MAP7D3: variants seen among roughly 807,000 people sequenced by gnomAD.
MAP7D3 encodes MAP7 domain containing 3, also known as MAP7 domain-containing protein 3.
Under a neutral mutation model 62.2 loss-of-function variants are expected in MAP7D3, and 45 were observed. The ratio of observed to expected loss-of-function variants is 0.72; its 90% CI spans 0.57 to 0.93. MAP7D3 has a LOEUF of 0.93. Among genes scored for constraint, MAP7D3 ranks in the 40% least tolerant of loss-of-function variants. The pLI is 0.00. For missense variants in MAP7D3, 711 were observed against 683.1 expected (o/e 1.04, Z -0.45); for synonymous variants, 288 against 248.8 (o/e 1.16, Z -1.48).
chrX:136,218,904 G>A (rs755469242), intron 18 of MAP7D3, among the ~76,000 whole-genome samples: 1 of 110,910 alleles, frequency 9.0e-6, no homozygotes, highest in African/African-American at 3.3e-5. Context: ...AGGCTAGAGT[G>A]CAGTGGCAGG....
In MAP7D3 at chrX:136,251,325, C is replaced by T. The variant is rs972685079; in HGVS notation, c.34G>A (p.Gly12Ser). The T allele has an allele frequency of 1.8e-6, 2 of 1,128,758 alleles. No homozygotes were observed. The highest frequency in any genetic ancestry group is 2.8e-5 in the Admixed American group (1 of 36,265). 93.0% of individuals were successfully genotyped at this position (1,128,758 alleles called of 1,213,427 possible). Residue 12 changes from glycine (G) to serine (S), a missense_variant, in exon 1 of 19, where the codon GGC becomes AGC. Transcript: ENST00000316077. ...CGCAGCTCTCTCAAGGATGGGCTGC[C>T]GCCAGCGCCAGCTGCGGCGCCGTCC... ...MADGAAAGAG[G>S]SPSLRELRAR...
rs961339100 is a variant in MAP7D3, at chrX:136,251,319, G to A, written c.40C>T (p.Pro14Ser). Reference sequence around the variant, plus strand: ...CGTGCCCGCAGCTCTCTCAAGGATGGGCTGCCGCCAGCGCCAGCTGCGGCG... The same window carrying A: ...CGTGCCCGCAGCTCTCTCAAGGATGAGCTGCCGCCAGCGCCAGCTGCGGCG... The part of the protein sequence containing the change: ...DGAAAGAGGS[P>S]SLRELRARMV... The change falls in exon 1 of 19, where the codon CCA (proline) becomes TCA (serine). Residue 14 changes from proline to serine, a missense_variant. Physicochemically the swap from Pro to Ser is moderately conservative, Grantham distance 74. Transcript: ENST00000316077. 1.2e-3 allele frequency: 1,324 copies of A among 1,128,853 alleles called. No homozygotes were observed. Among genetic ancestry groups the A allele is most frequent in the Non-Finnish European group, 1.5e-3 (1,264 of 860,618 alleles). The allele number at this position is 1,128,853 out of a possible 1,213,427, so 93.0% of individuals were successfully genotyped here.
chrX:136,246,065 C>A lies in MAP7D3; in HGVS notation c.253G>T (p.Ala85Ser), dbSNP rs747505696. 8.5e-7 allele frequency: 1 copy of A among 1,175,380 alleles called. No individual in the cohort carries two copies. Among genetic ancestry groups the A allele is most frequent in the Non-Finnish European group, 1.1e-6 (1 of 871,294 alleles). ...RREEKRRQQDANKETQLLEKE... is the reference protein window; with the variant it reads ...RREEKRRQQDSNKETQLLEKE... The stretch of plus-strand genomic sequence containing the variant: ...TTTTGAAAAAAGGTCTAAAATATAC[C>A]GTCTTGCTGTCTCCTTTTCTCCTCT... The change falls in exon 3 of 19, where the codon GCC becomes TCC. Residue 85 changes from alanine (A) to serine (S), a missense_variant and splice_region_variant. Ala to Ser is a moderately conservative substitution (Grantham distance 99). Transcript: ENST00000316077.
chrX:136,241,809 TAATAAA>T (rs1023961753), intron 4 of MAP7D3, among the ~76,000 whole-genome samples: 2 of 111,291 alleles, frequency 1.8e-5, no homozygotes, highest in Non-Finnish European at 3.8e-5. Flanking sequence ...TGGTGTTAAC[TAATAAA>T]AATAAAGTTT....
Position 136,241,262 on chromosome X carries a change from T to C in MAP7D3, c.433A>G (p.Ile145Val), listed in dbSNP as rs2074386733. The C allele has an allele frequency of 8.9e-7, 1 of 1,122,379 alleles. No homozygotes were observed. Among genetic ancestry groups the C allele is most frequent in the East Asian group, 3.1e-5 (1 of 31,897 alleles). The allele number at this position is 1,122,379 out of a possible 1,213,427, so 92.5% of individuals were successfully genotyped here. The change falls in exon 5 of 19, where the codon ATT becomes GTT. Residue 145 changes from isoleucine to valine, a missense_variant. Ile to Val is a conservative substitution (Grantham distance 29). Transcript: ENST00000316077. ...DEAQKEKFTAILYRTLERRRL... is the reference protein window; with the variant it reads ...DEAQKEKFTAVLYRTLERRRL... ...CTCCGTTCCAAAGTACGATAAAGAA[T>C]GGCTGTAAATTTTTCCTATTTAAAA...
At chrX:136,223,898 A>C (rs758345363) in intron 14 of MAP7D3, among the ~76,000 whole-genome samples, 1 of 108,497 alleles carries the variant, frequency 9.2e-6, no homozygotes, top group Non-Finnish European at 1.9e-5. Context: ...ATAAAAAATA[A>C]AAAATTAGCC....
chrX:136,236,082 C>T (rs1032985501), intron 7 of MAP7D3, among the ~76,000 whole-genome samples, 162 bp downstream of exon 7: 1 of 112,660 alleles, frequency 8.9e-6, no homozygotes, highest in African/African-American at 3.2e-5. Context: ...ACAGATTTTT[C>T]TGGCTTTAGC....
In MAP7D3 at chrX:136,222,452, T is replaced by G. The variant is rs939293841; in HGVS notation, c.2228A>C (p.Glu743Ala). 8.3e-7 allele frequency: 1 copy of G among 1,205,910 alleles called. No homozygotes were observed. Among genetic ancestry groups the G allele is most frequent in the African/African-American group, 1.8e-5 (1 of 57,103 alleles). Residue 743 changes from glutamate (E) to alanine (A), a missense_variant, in exon 15 of 19, where the codon GAG becomes GCG. Glu to Ala is a moderately radical substitution (Grantham distance 107). Coordinates refer to ENST00000316077, the MANE Select transcript of MAP7D3 (RefSeq NM_024597.4). Reference sequence around the variant, plus strand: ...GCTTTCTTCGTTGTCAGCCTCAGCCTCTTCATATATGTCATGGCTGGATGT... The same window carrying G: ...GCTTTCTTCGTTGTCAGCCTCAGCCGCTTCATATATGTCATGGCTGGATGT... ...TETSSHDIYE[E>A]AEADNEESDK...
Position 136,226,002 on chromosome X carries a change from G to C in MAP7D3, c.2046C>G (p.Ala682=). ...CAGCTTCCTCTTGAGCTTTTATTTT[G>C]GCGTCCCCTTTCTAGGAAATTTGCA... ...DQEAPLQKGD[A]KIKAQEEADK... Residue 682 remains alanine, a synonymous_variant, in exon 13 of 19, where the codon GCC becomes GCG. Coordinates refer to ENST00000316077, the MANE Select transcript of MAP7D3 (RefSeq NM_024597.4). The C allele has an allele frequency of 8.4e-7, 1 of 1,183,758 alleles. No individual in the cohort carries two copies. Among genetic ancestry groups the C allele is most frequent in the Non-Finnish European group, 1.1e-6 (1 of 876,552 alleles).
chrX:136,240,212 A>C (rs1351548246), intron 6 of MAP7D3, among the ~76,000 whole-genome samples, 170 bp downstream of exon 6: 1 of 109,151 alleles, frequency 9.2e-6, no homozygotes, highest in Admixed American at 9.8e-5. Context: ...CTGTCTCAAA[A>C]AAAAAAAAAA....
intron 4 of MAP7D3, among the ~76,000 whole-genome samples, chrX:136,243,266 TG>T (rs889214728): frequency 3.6e-5 from 4 of 111,155 alleles, no homozygotes; most frequent in African/African-American, 1.3e-4. Flanking sequence ...ACTGAGAGAA[TG>T]GCAGGCAGAG....
intron 8 of MAP7D3, chrX:136,231,258 C>CA (rs1301366453): frequency 6.1e-6 from 2 of 329,531 alleles, no homozygotes; most frequent in Non-Finnish European, 5.2e-6. Flanking sequence ...AAACATTTCT[C>CA]AAAAAACATT....
Position 136,240,462 on chromosome X carries a change from T to C in MAP7D3, c.560A>G (p.Glu187Gly). The C allele has an allele frequency of 2.5e-6, 3 of 1,186,255 alleles. No homozygotes were observed. Among genetic ancestry groups the C allele is most frequent in the Non-Finnish European group, 2.3e-6 (2 of 872,329 alleles). ...AGCAGAAGTACCCTGTTCAAGTTTT[T>C]CAGTAGATGCAGATCGTTTATTGGC... Reference protein sequence around the residue: ...KTANKRSASTEKLEQGTSALI... With the variant: ...KTANKRSASTGKLEQGTSALI... The change falls in exon 6 of 19, where the codon GAA (glutamate) becomes GGA (glycine). Residue 187 changes from glutamate (E) to glycine (G), a missense_variant. By Grantham distance (98) the Glu-to-Gly change is moderately conservative. Coordinates refer to ENST00000316077, the MANE Select transcript of MAP7D3 (RefSeq NM_024597.4).
chrX:136,224,862 T>C lies in MAP7D3; in HGVS notation c.2158A>G (p.Lys720Glu). The change falls in exon 14 of 19, where the codon AAG (lysine) becomes GAG (glutamate). Residue 720 changes from lysine to glutamate, a missense_variant. Transcript: ENST00000316077. ...ERKKRIEEIMKRTRKTDVNAS... is the reference protein window; with the variant it reads ...ERKKRIEEIMERTRKTDVNAS... ...TTCACATCTGTCTTTCTTGTCCGCT[T>C]CATAATTTCTTCTATTCTCTATTTA... 8.6e-7 allele frequency: 1 copy of C among 1,165,222 alleles called. No homozygotes were observed. Among genetic ancestry groups the C allele is most frequent in the Non-Finnish European group, 1.2e-6 (1 of 853,255 alleles).
At position 136,217,478 on chromosome X, in the gene MAP7D3, G is replaced by A. The variant is rs1178567171; in HGVS notation, c.*1048C>T. The stretch of plus-strand genomic sequence containing the variant: ...CCTTCAAAAGGAAACACTGACAAGA[G>A]CATGAAAGGTGCTGACTGTTCCAAG... On this transcript the variant is annotated 3_prime_UTR_variant, in exon 19 of 19. Coordinates refer to ENST00000316077, the MANE Select transcript of MAP7D3 (RefSeq NM_024597.4). 8.9e-6 allele frequency: 1 copy of A among 112,060 alleles called. No individual in the cohort carries two copies. Among genetic ancestry groups the A allele is most frequent in the Non-Finnish European group, 1.9e-5 (1 of 53,203 alleles). 9.2% of individuals were successfully genotyped at this position (112,060 alleles called of 1,213,427 possible). A position where few individuals can be genotyped will look rare whatever the true frequency, so the allele number is the denominator to read the frequency against.
At chrX:136,255,732 C>T (rs772566262), upstream of MAP7D3, among the ~76,000 whole-genome samples, 78 of 110,826 alleles carry the variant, frequency 7.0e-4, no homozygotes, top group Non-Finnish European at 1.2e-3. Context: ...AGAACCCAGG[C>T]GGCTCCTCTC....
chrX:136,222,621 C>T lies in MAP7D3; in HGVS notation c.2194-135G>A. 1.2e-5 allele frequency: 6 copies of T among 486,668 alleles called. No individual in the cohort carries two copies. In the South Asian group the frequency reaches 2.2e-4, roughly 18 times the overall value. 40.1% of individuals were successfully genotyped at this position (486,668 alleles called of 1,213,427 possible). ...TCAACGAAAAGGTAAAAAAATATAACCTCTTTTAACTGGCCCCAAGAATCT... is the reference window on the plus strand; with the variant it reads ...TCAACGAAAAGGTAAAAAAATATAATCTCTTTTAACTGGCCCCAAGAATCT... On this transcript the variant is annotated intron_variant, in intron 14 of 18. Transcript: ENST00000316077.
In MAP7D3 at chrX:136,240,402, A is replaced by G; in HGVS notation, c.620T>C (p.Leu207Pro). The G allele has an allele frequency of 8.3e-7, 1 of 1,197,679 alleles. No homozygotes were observed. The stretch of plus-strand genomic sequence containing the variant: ...CTTACTTTTGGCAACGGAATTTTGA[A>G]GGCCTGCAGATGACAAAGGCATTTG... ...IRQMPLSSAG[L>P]QNSVAKRKTD... Residue 207 changes from leucine (L) to proline (P), a missense_variant, in exon 6 of 19, where the codon CTT becomes CCT. Leu to Pro is a moderately conservative substitution (Grantham distance 98). Coordinates refer to ENST00000316077, the MANE Select transcript of MAP7D3 (RefSeq NM_024597.4).
downstream of MAP7D3, chrX:136,214,673 T>C (rs1342038778): frequency 8.9e-6 from 1 of 112,161 alleles, no homozygotes; most frequent in Non-Finnish European, 1.9e-5. Flanking sequence ...GCATTCTTTA[T>C]GGTATTTCAC....
Sources: allele counts gnomAD v4.1 joint callset (sites outside exome capture counted in the v4.1 genomes callset), GRCh38; gene constraint gnomAD v4.1.1; transcripts MANE v1.5; gene names NCBI Gene and HGNC (gene_info 2026-07-23, HGNC 2026-07-21).